Variants in RBFOX1 observed in about 807,000 individuals in gnomAD.
The protein encoded by RBFOX1 is RNA binding protein fox-1 homolog 1.
In RBFOX1, 8 loss-of-function variants were observed where a neutral mutation model predicts 57.7. The ratio of observed to expected loss-of-function variants is 0.14; its 90% CI spans 0.08 to 0.25. The LOEUF is 0.25. Among genes scored for constraint, RBFOX1 ranks in the 10% least tolerant of loss-of-function variants. The pLI, the probability that RBFOX1 is intolerant of heterozygous loss-of-function variation, is 1.00. For missense variants in RBFOX1, 611 were observed against 548.5 expected, an observed-to-expected ratio of 1.11 and a Z score of -1.14; for synonymous variants, 326 against 222.4, an observed-to-expected ratio of 1.47 and a Z score of -4.15.
At chr16:7,301,126 G>T (rs2096020005) in intron 4 of RBFOX1, among the ~76,000 whole-genome samples, 1 of 152,170 alleles carries the variant, frequency 6.6e-6, no homozygotes, top group African/African-American at 2.4e-5. Flanking sequence ...TTAAAAGGCT[G>T]GCAAAGTGTT....
At position 6,923,281 on chromosome 16, in the gene RBFOX1, C is replaced by T. The variant is rs1008560310; in HGVS notation, c.-15-128776C>T. On this transcript the variant is annotated intron_variant, in intron 3 of 15. Coordinates refer to ENST00000550418, the MANE Select transcript of RBFOX1 (RefSeq NM_018723.4). The stretch of plus-strand genomic sequence containing the variant: ...AGGTGTGGTGGCTCATGCCTATAAT[C>T]CCAGAACTTTGGGATGCCAAGGCGG... Among the ~76,000 whole-genome samples, 4 of 152,286 alleles carry T rather than the reference C, an allele frequency of 2.6e-5. No individual in the cohort carries two copies. The Middle Eastern group carries it at 0.01, about 388-fold the overall frequency.
chr16:7,274,526 C>G (rs1567990775), intron 4 of RBFOX1, among the ~76,000 whole-genome samples: 1 of 152,096 alleles, frequency 6.6e-6, no homozygotes, highest in Non-Finnish European at 1.5e-5. Flanking sequence ...TTTGGGACTT[C>G]TCTGCTCTGT....
At chr16:6,467,161 G>T (rs1025048639) in intron 2 of RBFOX1, among the ~76,000 whole-genome samples, 1 of 150,570 alleles carries the variant, frequency 6.6e-6, no homozygotes, top group Non-Finnish European at 1.5e-5. Flanking sequence ...TAATATATTA[G>T]TTACAGTTAA....
intron 3 of RBFOX1, among the ~76,000 whole-genome samples, chr16:5,774,648 C>T (rs2054088159): frequency 6.6e-6 from 1 of 152,098 alleles, no homozygotes; most frequent in Admixed American, 6.6e-5. Context: ...TTTGGGATAC[C>T]AGCAGCATTT....
intron 3 of RBFOX1, among the ~76,000 whole-genome samples, chr16:6,995,962 A>G (rs969110847): frequency 1.3e-5 from 2 of 152,210 alleles, no homozygotes; most frequent in African/African-American, 4.8e-5. Flanking sequence ...GAAACTTTCT[A>G]GTCCCTAATT....
chr16:7,019,733 C>G (rs1354723225), intron 3 of RBFOX1, among the ~76,000 whole-genome samples: 2 of 152,208 alleles, frequency 1.3e-5, no homozygotes, highest in East Asian at 1.9e-4. Flanking sequence ...AGCTTGGTTT[C>G]AAACACTGCA....
chr16:6,561,694 C>A (rs569657136), intron 2 of RBFOX1, among the ~76,000 whole-genome samples: 1 of 152,146 alleles, frequency 6.6e-6, no homozygotes, highest in African/African-American at 2.4e-5. Flanking sequence ...ATGCTAGTTG[C>A]TGGAAGATTG....
At position 7,670,149 on chromosome 16, in the gene RBFOX1, AG is replaced by A. The variant is rs552689871; in HGVS notation, c.930+5182del. ...CAGGTTCAAGCAATTCTCCTGCCTTAGCCTCCCAGATAGCTGAGACTACATG... is the reference window on the plus strand; with the variant it reads ...CAGGTTCAAGCAATTCTCCTGCCTTACCTCCCAGATAGCTGAGACTACATG... On this transcript the variant is annotated intron_variant, in intron 13 of 15. Transcript: ENST00000550418. Among the ~76,000 whole-genome samples the A allele has an allele frequency of 2.0e-4, 30 of 152,242 alleles. No homozygotes were observed. The East Asian group carries it at 4.8e-3, about 25-fold the overall frequency.
Position 7,435,736 on chromosome 16 carries a change from C to T in RBFOX1, c.28-82411C>T, listed in dbSNP as rs919650763. 5.9e-5 allele frequency among the ~76,000 whole-genome samples: 9 copies of T among 152,136 alleles called. No homozygotes were observed. The East Asian group carries it at 1.7e-3, about 29-fold the overall frequency. On this transcript the variant is annotated intron_variant, in intron 4 of 15. Coordinates refer to ENST00000550418, the MANE Select transcript of RBFOX1 (RefSeq NM_018723.4). ...CCTTCAGGTGGGCTTAGTTGCAGGG[C>T]TAAATAATTTTCTTTAAAGAGCTTC...
intron 3 of RBFOX1, among the ~76,000 whole-genome samples, chr16:6,934,779 G>T (rs1455253060): frequency 6.6e-6 from 1 of 152,078 alleles, no homozygotes; most frequent in Non-Finnish European, 1.5e-5. Flanking sequence ...GCCACGCTTT[G>T]TGTATCACTT....
intron 1 of RBFOX1, among the ~76,000 whole-genome samples, chr16:6,199,176 T>A (rs1463463961): frequency 6.6e-6 from 1 of 152,142 alleles, no homozygotes; most frequent in Non-Finnish European, 1.5e-5. Context: ...TCATCACAGA[T>A]CTCTTACTCG....
At chr16:7,285,008 C>T (rs943835510) in intron 4 of RBFOX1, among the ~76,000 whole-genome samples, 2 of 151,526 alleles carry the variant, frequency 1.3e-5, no homozygotes, top group African/African-American at 4.8e-5. Context: ...TGGAATGCCG[C>T]CTCTTCAGAA....
At chr16:6,873,256 T>C (rs756334697) in intron 3 of RBFOX1, among the ~76,000 whole-genome samples, 2 of 152,172 alleles carry the variant, frequency 1.3e-5, no homozygotes, top group African/African-American at 4.8e-5. Flanking sequence ...GATTTTTAAT[T>C]TATACATTAG....
At chr16:6,960,603 GC>G (rs1287227184) in intron 3 of RBFOX1, among the ~76,000 whole-genome samples, 1 of 152,024 alleles carries the variant, frequency 6.6e-6, no homozygotes, top group Admixed American at 6.6e-5. Context: ...TGCAGAGGAG[GC>G]CCCCGCCTGC....
chr16:6,019,308 C>G lies in RBFOX1; in HGVS notation c.-811C>G. 1.0e-6 allele frequency: 1 copy of G among 985,356 alleles called. No homozygotes were observed. The highest frequency in any genetic ancestry group is 1.2e-6 in the Non-Finnish European group (1 of 830,258). 61.0% of individuals were successfully genotyped at this position (985,356 alleles called of 1,614,324 possible). A position where few individuals can be genotyped will look rare whatever the true frequency, so the allele number is the denominator to read the frequency against. ...GCGGGGTTTGAAGGTCACCTCCTTT[C>G]CAGTCCCCGTGCGAGCCGCGCTGCC... is the stretch of plus-strand genomic sequence containing the variant. On this transcript the variant is annotated 5_prime_UTR_variant, in exon 1 of 16. Transcript: ENST00000550418. The surrounding 1 kb of genome is among the most constrained non-coding windows in gnomAD (Gnocchi z 4.2).
At chr16:7,434,607 A>T (rs1598351672) in intron 4 of RBFOX1, among the ~76,000 whole-genome samples, 1 of 152,312 alleles carries the variant, frequency 6.6e-6, no homozygotes, top group East Asian at 1.9e-4. Context: ...AGAAGCCCTA[A>T]GGGGATCCTA....
chr16:7,068,974 A>G (rs2056759164), intron 4 of RBFOX1, among the ~76,000 whole-genome samples: 1 of 152,216 alleles, frequency 6.6e-6, no homozygotes. Flanking sequence ...GAAATGTAAA[A>G]TTATTAAAAC....
intron 4 of RBFOX1, among the ~76,000 whole-genome samples, chr16:7,341,170 C>T (rs777136152): frequency 2.0e-5 from 3 of 152,142 alleles, no homozygotes; most frequent in Admixed American, 6.5e-5. Flanking sequence ...ATCCCACCAG[C>T]TTGCAAGGAG....
At chr16:7,403,399 G>T (rs1046582054) in intron 4 of RBFOX1, among the ~76,000 whole-genome samples, 34 of 152,224 alleles carry the variant, frequency 2.2e-4, no homozygotes, top group African/African-American at 7.2e-4. Flanking sequence ...GCTCCCTTCA[G>T]CCTCTGGCAA....
Sources: allele counts gnomAD v4.1 joint callset (sites outside exome capture counted in the v4.1 genomes callset), GRCh38; gene constraint gnomAD v4.1.1; non-coding constraint Gnocchi (gnomAD v3.1); transcripts MANE v1.5; gene names NCBI Gene and HGNC (gene_info 2026-07-23, HGNC 2026-07-21).